The following MAL variants were observed in gnomAD, a reference collection of about 807,000 sequenced individuals.
MAL encodes mal, T cell differentiation protein (MAL blood group), also known as myelin and lymphocyte protein.
MAL carries 5 observed loss-of-function variants against 16.7 expected under a neutral mutation model. The observed-to-expected ratio is 0.30, with a 90% CI of 0.16 to 0.63. The LOEUF (loss-of-function observed/expected upper bound fraction) is 0.63, where lower values mean the gene tolerates loss of function less well. MAL is among the 30% of genes least tolerant of loss of function. The pLI is 0.82. For synonymous variants in MAL, 96 were observed against 85.5 expected, an observed-to-expected ratio of 1.12 and a Z score of -0.67; for missense variants, 202 against 195.8, an observed-to-expected ratio of 1.03 and a Z score of -0.19.
intron 1 of MAL, among the ~76,000 whole-genome samples, chr2:95,029,869 C>T (rs1461400718): frequency 6.6e-6 from 1 of 152,218 alleles, no homozygotes; most frequent in African/African-American, 2.4e-5. Context: ...CTACCAGCAG[C>T]ACATGAAAGT....
intron 1 of MAL, among the ~76,000 whole-genome samples, chr2:95,045,023 T>G (rs985918135): frequency 3.3e-5 from 5 of 152,220 alleles, no homozygotes; most frequent in African/African-American, 1.2e-4. Context: ...ATTTACCTCA[T>G]ATGTATTTTA....
intron 1 of MAL, among the ~76,000 whole-genome samples, chr2:95,032,279 T>A (rs1427595425): frequency 2.0e-5 from 3 of 152,388 alleles, no homozygotes; most frequent in Admixed American, 2.0e-4. Flanking sequence ...AGACTAGCTC[T>A]GCACAGCCTT....
chr2:95,029,316 G>T (rs890163276), intron 1 of MAL, among the ~76,000 whole-genome samples: 1 of 152,224 alleles, frequency 6.6e-6, no homozygotes, highest in Non-Finnish European at 1.5e-5. Context: ...TCCAAGCACA[G>T]GTTAGACTTT....
At chr2:95,037,880 C>T (rs1326329210) in intron 1 of MAL, among the ~76,000 whole-genome samples, 1 of 122,554 alleles carries the variant, frequency 8.2e-6, no homozygotes, top group African/African-American at 3.2e-5. Flanking sequence ...GAGTGAGAGA[C>T]TGAGTGACCG....
At chr2:95,038,122 G>A (rs563812288) in intron 1 of MAL, among the ~76,000 whole-genome samples, 33 of 151,012 alleles carry the variant, frequency 2.2e-4, no homozygotes, top group African/African-American at 7.1e-4. Context: ...CTGAGTGACC[G>A]AGTGGGTGAG....
intron 3 of MAL, 196 bp from the exon 4 acceptor site, chr2:95,053,166 AGGAGACTGTTAGGTCACAT>A: frequency 4.0e-6 from 2 of 496,906 alleles, no homozygotes; most frequent in Non-Finnish European, 7.2e-6. Flanking sequence ...CACCAGATCC[AGGAGACTGTTAGGTCACAT>A]GGAGCTCTGT....
At chr2:95,035,288 C>T (rs955777758) in intron 1 of MAL, among the ~76,000 whole-genome samples, 8 of 152,232 alleles carry the variant, frequency 5.3e-5, no homozygotes, top group African/African-American at 1.4e-4. Flanking sequence ...AGCATTTCCA[C>T]GGATTTTGCC....
intron 1 of MAL, among the ~76,000 whole-genome samples, chr2:95,031,074 G>A (rs370878673): frequency 5.3e-5 from 8 of 152,306 alleles, no homozygotes; most frequent in South Asian, 2.1e-4. Context: ...GACCAGAGAC[G>A]TAGAATGACA....
chr2:95,027,158 C>T (rs1003561712), intron 1 of MAL, among the ~76,000 whole-genome samples: 1 of 152,204 alleles, frequency 6.6e-6, no homozygotes, highest in Non-Finnish European at 1.5e-5. Flanking sequence ...AGCCAGCCCC[C>T]CGCTGGCCTC....
At chr2:95,049,265 C>T (rs546362510) in intron 2 of MAL, among the ~76,000 whole-genome samples, 18 of 152,328 alleles carry the variant, frequency 1.2e-4, no homozygotes, top group African/African-American at 2.6e-4. Flanking sequence ...TGGCCATGCA[C>T]GACACTTCTC....
chr2:95,029,931 G>C (rs1674035078), intron 1 of MAL, among the ~76,000 whole-genome samples: 1 of 152,202 alleles, frequency 6.6e-6, no homozygotes, highest in Non-Finnish European at 1.5e-5. Context: ...TTTTCTGCTA[G>C]TCCAATGGGT....
At chr2:95,045,381 C>T (rs541115307) in intron 1 of MAL, among the ~76,000 whole-genome samples, 1 of 152,264 alleles carries the variant, frequency 6.6e-6, no homozygotes, top group African/African-American at 2.4e-5. Context: ...TCAGCCACAC[C>T]CAGGTACCAG....
chr2:95,026,866 G>A (rs1399228868), intron 1 of MAL, among the ~76,000 whole-genome samples: 1 of 152,174 alleles, frequency 6.6e-6, no homozygotes, highest in African/African-American at 2.4e-5. Flanking sequence ...GAGCCTGGCT[G>A]TTTAAAAATT....
In MAL at chr2:95,025,910, G is replaced by T. The variant is rs559161511; in HGVS notation, c.93+25G>T. On this transcript the variant is annotated intron_variant, in intron 1 of 3. Transcript: ENST00000309988. The surrounding 1 kb of genome is among the most constrained non-coding windows in gnomAD (Gnocchi z 5.6). ...TGTGAGTGGCTCCTGGCCGGGGAAG[G>T]GACGGGGTGGGCTGAGCCGTGCGCT... 1.3e-6 allele frequency: 2 copies of T among 1,524,682 alleles called. No individual in the cohort carries two copies. The highest frequency in any genetic ancestry group is 2.6e-5 in the East Asian group (1 of 38,684). The allele number at this position is 1,524,682 out of a possible 1,614,324, so 94.4% of individuals were successfully genotyped here.
rs140063378 is a variant in MAL at position 95,034,435 on chromosome 2, G to A, written c.93+8550G>A. The stretch of plus-strand genomic sequence containing the variant: ...TGCCAAGATGGGCAGGCAGAGCTTT[G>A]TGGATTCTGAGTGTGACACATAGCT... On this transcript the variant is annotated intron_variant, in intron 1 of 3. Coordinates refer to ENST00000309988, the MANE Select transcript of MAL (RefSeq NM_002371.4). Among the ~76,000 whole-genome samples the A allele has an allele frequency of 7.2e-5, 11 of 152,346 alleles. No homozygotes were observed. In the East Asian group the frequency reaches 2.1e-3, roughly 29 times the overall value.
intron 3 of MAL, 90 bp from the exon 4 acceptor site, chr2:95,053,291 C>T (rs1558663485): frequency 9.0e-6 from 8 of 887,050 alleles, no homozygotes; most frequent in Admixed American, 1.8e-5. Flanking sequence ...GTCTGGCCCC[C>T]CCTACGCCAC....
At chr2:95,032,575 A>T (rs1436836653) in intron 1 of MAL, among the ~76,000 whole-genome samples, 2 of 151,992 alleles carry the variant, frequency 1.3e-5, no homozygotes, top group African/African-American at 4.8e-5. Flanking sequence ...ACAGTGGGGG[A>T]CTGTGCCCCT....
In MAL at chr2:95,043,976, C is replaced by T. The variant is rs550138225; in HGVS notation, c.94-3983C>T. Among the ~76,000 whole-genome samples, 192 of 152,292 alleles carry T rather than the reference C, an allele frequency of 1.3e-3. 4 individuals are homozygous for T. Among genetic ancestry groups the T allele is most frequent in the Admixed American group, 9.6e-3 (147 of 15,302 alleles). On this transcript the variant is annotated intron_variant, in intron 1 of 3. Coordinates refer to ENST00000309988, the MANE Select transcript of MAL (RefSeq NM_002371.4). ...ACTGGTGTAAGAGCGTCCCTAGGAACGTGGTTCCTCAGAGGCTTCTGGGTT... is the reference window on the plus strand; with the variant it reads ...ACTGGTGTAAGAGCGTCCCTAGGAATGTGGTTCCTCAGAGGCTTCTGGGTT...
At chr2:95,046,982 AAG>A (rs1468456503) in intron 1 of MAL, among the ~76,000 whole-genome samples, 1 of 151,576 alleles carries the variant, frequency 6.6e-6, no homozygotes, top group African/African-American at 2.4e-5. Context: ...GAAAGAAAGA[AAG>A]AAAAAGAAGG....
Sources: gnomAD v4.1 joint callset for allele counts (sites outside exome capture counted in the v4.1 genomes callset) on GRCh38, gnomAD v4.1.1 for gene constraint, Gnocchi (gnomAD v3.1) non-coding constraint, MANE v1.5 for transcripts, NCBI Gene and HGNC (gene_info 2026-07-23, HGNC 2026-07-21) for gene names.